The following AKAP6 variants were observed in gnomAD, a reference collection of about 807,000 sequenced individuals.
AKAP6 encodes A-kinase anchor protein 6.
In AKAP6, 58 loss-of-function variants were observed where a neutral mutation model predicts 188.5. The ratio of observed to expected loss-of-function variants is 0.31; its 90% CI spans 0.25 to 0.38. The LOEUF (loss-of-function observed/expected upper bound fraction) is 0.38, where lower values mean the gene tolerates loss of function less well. Among genes scored for constraint, AKAP6 ranks in the 10% least tolerant of loss-of-function variants. AKAP6 has a pLI of 1.00. For missense variants in AKAP6, 2,710 were observed against 2,740.0 expected (o/e 0.99, Z 0.24); for synonymous variants, 989 against 998.6 (o/e 0.99, Z 0.18).
chr14:32,613,766 C>T (rs1336504450), intron 7 of AKAP6, among the ~76,000 whole-genome samples: 1 of 152,106 alleles, frequency 6.6e-6, no homozygotes, highest in Non-Finnish European at 1.5e-5. Flanking sequence ...TTTGATCACA[C>T]ATTGTTCCTC....
At chr14:32,651,391 G>A (rs1047341533) in intron 7 of AKAP6, among the ~76,000 whole-genome samples, 1 of 152,142 alleles carries the variant, frequency 6.6e-6, no homozygotes, top group African/African-American at 2.4e-5. Flanking sequence ...GTTGCGGATA[G>A]TCTAGGCTAT....
intron 1 of AKAP6, among the ~76,000 whole-genome samples, chr14:32,352,071 CTG>C (rs147604276): frequency 0.014 from 1,897 of 133,886 alleles, 22 homozygotes; most frequent in East Asian, 0.027. Flanking sequence ...TTGGGAGACC[CTG>C]TGTGTGTGTG....
chr14:32,359,505 T>C (rs976639923), intron 1 of AKAP6, among the ~76,000 whole-genome samples: 1 of 151,996 alleles, frequency 6.6e-6, no homozygotes, highest in Non-Finnish European at 1.5e-5. Context: ...ATAATTATGG[T>C]ATATTTATCA....
intron 9 of AKAP6, among the ~76,000 whole-genome samples, chr14:32,702,208 T>A (rs576863379): frequency 1.3e-5 from 2 of 152,310 alleles, no homozygotes; most frequent in East Asian, 3.9e-4. Context: ...AAATTCATTA[T>A]AATATTTCAA....
chr14:32,834,521 T>C lies in AKAP6; in HGVS notation c.*4716T>C, dbSNP rs1029142211. The C allele has an allele frequency of 5.4e-5, 8 of 148,596 alleles. No individual in the cohort carries two copies. The highest frequency in any genetic ancestry group is 1.4e-4 in the Admixed American group (2 of 14,554). The allele number at this position is 148,596 out of a possible 1,614,324, so 9.2% of individuals were successfully genotyped here. A position where few individuals can be genotyped will look rare whatever the true frequency, so the allele number is the denominator to read the frequency against. On this transcript the variant is annotated 3_prime_UTR_variant, in exon 14 of 14. Transcript: ENST00000280979. ...TCAAACAAAGATCACACACTGCTTT[T>C]AGTTTCCAAGTCTTTTTTTTTTTTT...
intron 10 of AKAP6, chr14:32,732,862 G>A (rs1175101115): frequency 3.3e-6 from 2 of 598,540 alleles, no homozygotes; most frequent in South Asian, 2.1e-5. Context: ...AATATGCCAT[G>A]TATTATGGGT....
intron 4 of AKAP6, among the ~76,000 whole-genome samples, chr14:32,558,348 C>T (rs1316404245): frequency 6.6e-6 from 1 of 152,196 alleles, no homozygotes; most frequent in Non-Finnish European, 1.5e-5. Flanking sequence ...ATTCAAGGCT[C>T]TGTGTCTGTT....
chr14:32,386,914 G>A (rs1248229075), intron 1 of AKAP6, among the ~76,000 whole-genome samples: 1 of 152,098 alleles, frequency 6.6e-6, no homozygotes, highest in Non-Finnish European at 1.5e-5. Context: ...TCAGTTGGCT[G>A]TAAGTATTTG....
intron 9 of AKAP6, among the ~76,000 whole-genome samples, chr14:32,712,393 G>A (rs73266935): frequency 5.7e-4 from 87 of 151,966 alleles, no homozygotes; most frequent in Non-Finnish European, 9.1e-4. Flanking sequence ...GGGTGGCTGC[G>A]GCAATTTCTT....
chr14:32,630,122 CTCT>C (rs1454705433), intron 7 of AKAP6, among the ~76,000 whole-genome samples: 2 of 152,058 alleles, frequency 1.3e-5, no homozygotes, highest in African/African-American at 4.8e-5. Context: ...TCTCAACTGC[CTCT>C]TCTTGTTCCC....
intron 12 of AKAP6, among the ~76,000 whole-genome samples, chr14:32,792,195 T>C (rs1203463538): frequency 6.6e-6 from 1 of 152,226 alleles, no homozygotes; most frequent in Non-Finnish European, 1.5e-5. Flanking sequence ...GCATTGAATC[T>C]GTAAATTACT....
At chr14:32,814,619 A>G (rs141698436) in intron 12 of AKAP6, among the ~76,000 whole-genome samples, 144 of 152,358 alleles carry the variant, frequency 9.5e-4, no homozygotes, top group Non-Finnish European at 1.2e-3. Context: ...ATTTTGCCAC[A>G]GCACAGTTTA....
chr14:32,601,151 A>G (rs984037038), intron 7 of AKAP6, among the ~76,000 whole-genome samples: 1 of 152,196 alleles, frequency 6.6e-6, no homozygotes, highest in African/African-American at 2.4e-5. Context: ...AATCACTATA[A>G]TCAGTGCAAT....
In AKAP6 at chr14:32,513,006, C is replaced by T. The variant is rs184358230; in HGVS notation, c.325-22548C>T. Among the ~76,000 whole-genome samples, 713 of 152,264 alleles carry T rather than the reference C, an allele frequency of 4.7e-3. 2 individuals carry two copies. Among genetic ancestry groups the T allele is most frequent in the East Asian group, 9.1e-3 (47 of 5,188 alleles). On this transcript the variant is annotated intron_variant, in intron 2 of 13. Transcript: ENST00000280979. ...ATTTTAGTCATGCAAAGTTTATCCC[C>T]AAGGGAGGACTAAGTTCTCAGATGT...
chr14:32,540,168 C>CTCTCTCTCTCTCTCTCTCTCTCTA (rs1240063339), intron 3 of AKAP6, among the ~76,000 whole-genome samples: 1 of 60,956 alleles, frequency 1.6e-5, no homozygotes, highest in African/African-American at 9.8e-5. Context: ...CTCTCTCTCT[C>CTCTCTCTCTCTCTCTCTCTCTCTA]TATATATATA....
At chr14:32,551,749 C>T (rs1354463250) in intron 4 of AKAP6, among the ~76,000 whole-genome samples, 1 of 151,684 alleles carries the variant, frequency 6.6e-6, no homozygotes, top group Admixed American at 6.6e-5. Context: ...AGCTCCGCCT[C>T]CCAGGTTCAC....
chr14:32,543,172 C>A (rs1883040326), intron 3 of AKAP6, among the ~76,000 whole-genome samples: 1 of 152,180 alleles, frequency 6.6e-6, no homozygotes, highest in Non-Finnish European at 1.5e-5. Context: ...AATTTTGTAT[C>A]CATTAACCAG....
Position 32,768,919 on chromosome 14 carries a change from G to A in AKAP6, c.3373-4759G>A, listed in dbSNP as rs531517313. 1.1e-4 allele frequency among the ~76,000 whole-genome samples: 17 copies of A among 151,916 alleles called. No individual in the cohort carries two copies. The South Asian group carries it at 2.5e-3, about 22-fold the overall frequency. On this transcript the variant is annotated intron_variant, in intron 11 of 13. Coordinates refer to ENST00000280979, the MANE Select transcript of AKAP6 (RefSeq NM_004274.5). ...GTGAATACTGCTTGGCGTGGGCACC[G>A]TACTCTGAGGACCCTTGTTGTAGAA... is the stretch of plus-strand genomic sequence containing the variant.
At chr14:32,702,652 C>T (rs1890659272) in intron 9 of AKAP6, among the ~76,000 whole-genome samples, 1 of 152,106 alleles carries the variant, frequency 6.6e-6, no homozygotes, top group African/African-American at 2.4e-5. Context: ...CAGTTTTTGT[C>T]TCTAGCGGGT....
Sources: gnomAD v4.1 joint callset for allele counts (sites outside exome capture counted in the v4.1 genomes callset) on GRCh38, gnomAD v4.1.1 for gene constraint, MANE v1.5 for transcripts, NCBI Gene and HGNC (gene_info 2026-07-23, HGNC 2026-07-21) for gene names.